The following DOCK2 variants were observed in gnomAD, a reference collection of about 807,000 sequenced individuals.
DOCK2 encodes the protein dedicator of cytokinesis protein 2.
Under a neutral mutation model 248.9 loss-of-function variants are expected in DOCK2, and 87 were observed. The ratio of observed to expected loss-of-function variants is 0.35; its 90% CI spans 0.29 to 0.42. The LOEUF (loss-of-function observed/expected upper bound fraction) is 0.42. Among genes scored for constraint, DOCK2 ranks in the 10% least tolerant of loss-of-function variants. The probability of loss-of-function intolerance (pLI) is 1.00; values close to 1 mark genes in which losing one functional copy is unlikely to be tolerated. For synonymous variants in DOCK2, 805 were observed against 821.6 expected (o/e 0.98, Z 0.35); for missense variants, 1,747 against 2,300.2 (o/e 0.76, Z 4.92).
At position 169,940,418 on chromosome 5, in the gene DOCK2, A is replaced by G. The variant is rs149611755; in HGVS notation, c.2800-42650A>G. On this transcript the variant is annotated intron_variant, in intron 27 of 51. Coordinates refer to ENST00000520908, the MANE Select transcript of DOCK2 (RefSeq NM_004946.3). ...CCAGGGACCAGTTTCGTGGAAGACA[A>G]TTTTTCCACAGACCGGGAGGAGGAT... 4.8e-4 allele frequency among the ~76,000 whole-genome samples: 73 copies of G among 152,268 alleles called. No individual in the cohort carries two copies. In the East Asian group the frequency reaches 0.012, roughly 26 times the overall value.
At chr5:169,864,200 C>G (rs1258083629) in intron 27 of DOCK2, 4 of 1,314,764 alleles carry the variant, frequency 3.0e-6, no homozygotes, top group African/African-American at 1.5e-5. Flanking sequence ...GCAGGGCAGG[C>G]CTTAAGTGCA....
At chr5:169,800,005 A>G (rs1340815542) in intron 25 of DOCK2, among the ~76,000 whole-genome samples, 1 of 151,916 alleles carries the variant, frequency 6.6e-6, no homozygotes, top group African/African-American at 2.4e-5. Context: ...GGGTCTTCCT[A>G]TGTTGCCCAG....
At chr5:169,740,795 C>G (rs1428588227) in intron 22 of DOCK2, among the ~76,000 whole-genome samples, 1 of 152,180 alleles carries the variant, frequency 6.6e-6, no homozygotes, top group Non-Finnish European at 1.5e-5. Context: ...CTTTGTTACC[C>G]TTTAGAGGAG....
chr5:169,683,376 C>T (rs1759774052), intron 7 of DOCK2, among the ~76,000 whole-genome samples: 1 of 144,388 alleles, frequency 6.9e-6, no homozygotes, highest in Admixed American at 6.9e-5. Context: ...ATCACAGGTG[C>T]ATGCCAACAT....
At chr5:170,040,533 A>G (rs967516028) in intron 36 of DOCK2, 2 of 161,862 alleles carry the variant, frequency 1.2e-5, no homozygotes, top group East Asian at 1.9e-4. Context: ...AACTCTGCAG[A>G]GAGGGGTAGG....
At chr5:169,908,374 T>C (rs1774406338) in intron 27 of DOCK2, among the ~76,000 whole-genome samples, 1 of 152,164 alleles carries the variant, frequency 6.6e-6, no homozygotes, top group Non-Finnish European at 1.5e-5. Context: ...CATATAGGCA[T>C]ACTCATACAT....
intron 38 of DOCK2, among the ~76,000 whole-genome samples, chr5:170,043,190 G>A (rs935034816): frequency 6.6e-6 from 1 of 152,130 alleles, no homozygotes; most frequent in African/African-American, 2.4e-5. Flanking sequence ...GGGGCCAGAT[G>A]GCCCATCTGC....
chr5:169,910,978 A>G (rs1774563721), intron 27 of DOCK2, among the ~76,000 whole-genome samples: 1 of 152,132 alleles, frequency 6.6e-6, no homozygotes, highest in African/African-American at 2.4e-5. Flanking sequence ...GGAAGTGAGA[A>G]TAATAAGTGA....
At chr5:169,882,670 C>A (rs758607524) in intron 27 of DOCK2, 6 of 1,552,068 alleles carry the variant, frequency 3.9e-6, no homozygotes, top group Non-Finnish European at 5.2e-6. Context: ...TTGGAGGTCG[C>A]AGAGTTCACC....
At chr5:169,891,023 A>T (rs1320283501) in intron 27 of DOCK2, among the ~76,000 whole-genome samples, 1 of 152,204 alleles carries the variant, frequency 6.6e-6, no homozygotes. Flanking sequence ...TCAGGGCCAC[A>T]ACCTTGAACA....
chr5:169,882,716 C>T, intron 27 of DOCK2: 2 of 1,552,014 alleles, frequency 1.3e-6, no homozygotes, highest in Non-Finnish European at 1.7e-6. Flanking sequence ...TCACTAATCT[C>T]CCTGTTGCTC....
intron 9 of DOCK2, among the ~76,000 whole-genome samples, chr5:169,692,359 C>T (rs978812247): frequency 2.4e-4 from 37 of 152,286 alleles, no homozygotes; most frequent in African/African-American, 7.9e-4. Flanking sequence ...CCAATACTTT[C>T]GAGTTTTGTA....
intron 23 of DOCK2, among the ~76,000 whole-genome samples, chr5:169,759,369 G>A (rs1310666872): frequency 6.6e-6 from 1 of 152,160 alleles, no homozygotes; most frequent in Non-Finnish European, 1.5e-5. Context: ...CTATTTCACA[G>A]ATAAGTAAAT....
At chr5:169,705,190 A>G (rs1761197550) in intron 14 of DOCK2, among the ~76,000 whole-genome samples, 1 of 152,178 alleles carries the variant, frequency 6.6e-6, no homozygotes. Flanking sequence ...CGCCATAGGT[A>G]TAAGGCACCT....
chr5:169,704,769 G>A (rs1196295960), intron 14 of DOCK2, among the ~76,000 whole-genome samples: 3 of 38,590 alleles, frequency 7.8e-5, no homozygotes, highest in African/African-American at 1.4e-4. Context: ...ATGTGTGTGT[G>A]TGTGTGTGTG....
chr5:169,658,152 A>C (rs1758225825), intron 2 of DOCK2, among the ~76,000 whole-genome samples: 2 of 152,190 alleles, frequency 1.3e-5, no homozygotes, highest in Admixed American at 6.5e-5. Flanking sequence ...TCAAAGTTCA[A>C]ATGTCCCTCA....
intron 15 of DOCK2, among the ~76,000 whole-genome samples, chr5:169,708,891 G>A (rs1024439921): frequency 1.3e-5 from 2 of 152,156 alleles, no homozygotes; most frequent in African/African-American, 4.8e-5. Flanking sequence ...GAGCAGTTGA[G>A]CAAGGCAGTT....
At chr5:169,788,678 CTTTCA>C (rs147017194) in intron 25 of DOCK2, among the ~76,000 whole-genome samples, 1 of 152,224 alleles carries the variant, frequency 6.6e-6, no homozygotes, top group African/African-American at 2.4e-5. Context: ...CATCTTTCTT[CTTTCA>C]TTCTTTTTGG....
chr5:169,843,351 G>A (rs777831842), intron 27 of DOCK2, among the ~76,000 whole-genome samples: 20 of 151,632 alleles, frequency 1.3e-4, no homozygotes, highest in East Asian at 1.9e-4. Context: ...GTGAAACCCC[G>A]TCTCTACTAA....
Sources: gnomAD v4.1 joint callset for allele counts (sites outside exome capture counted in the v4.1 genomes callset) on GRCh38, gnomAD v4.1.1 for gene constraint, MANE v1.5 for transcripts, NCBI Gene and HGNC (gene_info 2026-07-23, HGNC 2026-07-21) for gene names.